The following SAMD5 variants were observed in gnomAD, a reference collection of about 807,000 sequenced individuals.
SAMD5 encodes the protein sterile alpha motif domain-containing protein 5.
Under a neutral mutation model 11.3 loss-of-function variants are expected in SAMD5, and 13 were observed. The ratio of observed to expected loss-of-function variants is 1.15; its 90% CI spans 0.75 to 1.83. The LOEUF is 1.83. Among genes scored for constraint, SAMD5 ranks in the 40% most tolerant of loss-of-function variants. SAMD5 has a pLI of 0.00. For synonymous variants in SAMD5, 129 were observed against 111.3 expected, an observed-to-expected ratio of 1.16 and a Z score of -1.00; for missense variants, 255 against 239.1, an observed-to-expected ratio of 1.07 and a Z score of -0.44.
chr6:147,866,798 A>G, the SAMD5 span, among the ~76,000 whole-genome samples: 3,901 of 152,188 alleles, frequency 0.026, 55 homozygotes, highest in African/African-American at 0.034. Context: ...TTAAAAGAAT[A>G]CCAAATACAT....
At chr6:147,532,271 A>AT (rs1788441534) in intron 1 of SAMD5, among the ~76,000 whole-genome samples, 16 of 152,038 alleles carry the variant, frequency 1.1e-4, no homozygotes. Context: ...GTAGTCTTTT[A>AT]TCCCTCACTC....
chr6:147,812,482 G>A, the SAMD5 span, among the ~76,000 whole-genome samples: 1 of 152,134 alleles, frequency 6.6e-6, no homozygotes, highest in African/African-American at 2.4e-5. Flanking sequence ...ATATGGAAAT[G>A]CGAGCCCAGT....
chr6:147,872,473 A>G, the SAMD5 span, among the ~76,000 whole-genome samples: 1 of 152,208 alleles, frequency 6.6e-6, no homozygotes, highest in East Asian at 1.9e-4. Context: ...AACTAATTTG[A>G]TCCTCATAGC....
chr6:147,565,481 CAG>C lies in SAMD5; in HGVS notation c.*1028_*1029del. 6.2e-6 allele frequency: 5 copies of C among 807,986 alleles called. No individual in the cohort carries two copies. In the South Asian group the frequency reaches 1.7e-4, roughly 27 times the overall value. 50.1% of individuals were successfully genotyped at this position (807,986 alleles called of 1,614,324 possible). ...TGCTGGTAGTTTTTTTTTTTTTAGA[CAG>C]AGTCTCGCTCTGTCACCCAGGCTGG... On this transcript the variant is annotated 3_prime_UTR_variant, in exon 2 of 2. Coordinates refer to ENST00000367474, the MANE Select transcript of SAMD5 (RefSeq NM_001030060.3).
chr6:147,789,961 C>A, the SAMD5 span, among the ~76,000 whole-genome samples: 2 of 152,188 alleles, frequency 1.3e-5, no homozygotes, highest in Non-Finnish European at 2.9e-5. Flanking sequence ...GAATACAGAA[C>A]AACAGGAACT....
chr6:147,778,363 C>A, the SAMD5 span, among the ~76,000 whole-genome samples: 1 of 152,166 alleles, frequency 6.6e-6, no homozygotes, highest in Non-Finnish European at 1.5e-5. Flanking sequence ...AGGCTTCTCA[C>A]TGCTGTTGCC....
intron 1 of SAMD5, among the ~76,000 whole-genome samples, chr6:147,624,011 A>C (rs528675797): frequency 1.3e-5 from 2 of 152,252 alleles, no homozygotes; most frequent in Admixed American, 1.3e-4. Flanking sequence ...CTGGGATTAC[A>C]GGCGTGTGCC....
chr6:147,668,470 G>A (rs1319984401), intron 1 of SAMD5, among the ~76,000 whole-genome samples: 3 of 152,122 alleles, frequency 2.0e-5, no homozygotes, highest in African/African-American at 7.2e-5. Flanking sequence ...GATATTGTGG[G>A]TTTGGTTACA....
chr6:147,632,635 G>T (rs996525214), intron 1 of SAMD5, among the ~76,000 whole-genome samples: 1 of 152,202 alleles, frequency 6.6e-6, no homozygotes, highest in African/African-American at 2.4e-5. Flanking sequence ...GGATAAAAAG[G>T]CCACAGGGCG....
At chr6:147,730,898 T>C (rs1435679259) in intron 1 of SAMD5, among the ~76,000 whole-genome samples, 1 of 152,106 alleles carries the variant, frequency 6.6e-6, no homozygotes, top group African/African-American at 2.4e-5. Context: ...GCAGTTTTAA[T>C]GGAGGTGGTG....
chr6:147,541,022 G>A (rs534810039), intron 1 of SAMD5, among the ~76,000 whole-genome samples: 18 of 137,218 alleles, frequency 1.3e-4, no homozygotes, highest in East Asian at 5.0e-4. Context: ...CAATCTCAGC[G>A]CACTGCAACC....
the SAMD5 span, among the ~76,000 whole-genome samples, chr6:147,936,997 G>C: frequency 6.6e-6 from 1 of 152,068 alleles, no homozygotes; most frequent in Non-Finnish European, 1.5e-5. Flanking sequence ...CAGGAAGAAA[G>C]ATACATGGTG....
chr6:147,556,402 T>C (rs1788857901), intron 1 of SAMD5, among the ~76,000 whole-genome samples: 1 of 152,242 alleles, frequency 6.6e-6, no homozygotes, highest in Non-Finnish European at 1.5e-5. Flanking sequence ...ACTAGTGTTA[T>C]TTTTAAATGA....
At chr6:147,893,947 G>A in the SAMD5 span, among the ~76,000 whole-genome samples, 1 of 152,018 alleles carries the variant, frequency 6.6e-6, no homozygotes, top group South Asian at 2.1e-4. Flanking sequence ...TTCATAATAT[G>A]TATCATGACT....
intron 1 of SAMD5, among the ~76,000 whole-genome samples, chr6:147,511,403 A>G (rs1297496474): frequency 1.3e-5 from 2 of 152,256 alleles, no homozygotes; most frequent in Non-Finnish European, 2.9e-5. Context: ...TGCAGTTTAC[A>G]TAAGAAAATG....
intron 1 of SAMD5, among the ~76,000 whole-genome samples, chr6:147,694,559 AT>A: frequency 6.6e-6 from 1 of 152,122 alleles, no homozygotes; most frequent in East Asian, 1.9e-4. Flanking sequence ...TAAATATAAG[AT>A]AAAAATTCAA....
the SAMD5 span, among the ~76,000 whole-genome samples, chr6:147,858,718 C>G: frequency 1.1e-4 from 16 of 152,216 alleles, no homozygotes; most frequent in Non-Finnish European, 2.1e-4. Flanking sequence ...AGTGAGAACT[C>G]TACTCGTTCC....
At chr6:147,866,223 T>A in the SAMD5 span, among the ~76,000 whole-genome samples, 3 of 152,202 alleles carry the variant, frequency 2.0e-5, no homozygotes, top group Non-Finnish European at 4.4e-5. Context: ...GATCAATTTA[T>A]AACTTGTCCA....
chr6:147,897,899 C>T, the SAMD5 span, among the ~76,000 whole-genome samples: 3 of 134,390 alleles, frequency 2.2e-5, no homozygotes, highest in Non-Finnish European at 3.1e-5. Flanking sequence ...GAGTAGAGAT[C>T]GGGCCACTGC....
Sources: gnomAD v4.1 joint callset for allele counts (sites outside exome capture counted in the v4.1 genomes callset) on GRCh38, gnomAD v4.1.1 for gene constraint, MANE v1.5 for transcripts, NCBI Gene and HGNC (gene_info 2026-07-23, HGNC 2026-07-21) for gene names.